The following MASP2 variants were observed in gnomAD, a reference collection of about 807,000 sequenced individuals.
The protein encoded by MASP2 is MBL associated serine protease 2, also known as mannan-binding lectin serine protease 2.
A neutral mutation model predicts 57.1 loss-of-function variants in MASP2; 49 were observed. The ratio of observed to expected loss-of-function variants is 0.86; its 90% CI spans 0.68 to 1.09. The LOEUF (loss-of-function observed/expected upper bound fraction) is 1.09, where lower values mean the gene tolerates loss of function less well. Ranked by LOEUF, MASP2 falls within the 50% of genes least tolerant of loss-of-function variation. MASP2 has a pLI of 0.00. For synonymous variants in MASP2, 379 were observed against 340.8 expected, an observed-to-expected ratio of 1.11 and a Z score of -1.24; for missense variants, 900 against 874.8, an observed-to-expected ratio of 1.03 and a Z score of -0.36.
chr1:11,030,915 T>C (rs1643833535), intron 8 of MASP2, 33 bp from the exon 9 acceptor site: 1 of 1,602,988 alleles, frequency 6.2e-7, no homozygotes, highest in Non-Finnish European at 8.5e-7. Context: ...AGGAATCCAT[T>C]GATCATTTCA....
chr1:11,026,849 C>G lies in MASP2; in HGVS notation c.*36G>C. The G allele has an allele frequency of 6.9e-7, 1 of 1,453,042 alleles. No individual in the cohort carries two copies. Among genetic ancestry groups the G allele is most frequent in the Non-Finnish European group, 9.1e-7 (1 of 1,102,950 alleles). The allele number at this position is 1,453,042 out of a possible 1,614,324, so 90.0% of individuals were successfully genotyped here. A position where few individuals can be genotyped will look rare whatever the true frequency, so the allele number is the denominator to read the frequency against. ...GCTGCCAAGGTCTTCACAGGCATTT[C>G]TAAAAATGAAGAATCCTTGACTGCA... is the stretch of plus-strand genomic sequence containing the variant. On this transcript the variant is annotated 3_prime_UTR_variant, in exon 11 of 11. Coordinates refer to ENST00000400897, the MANE Select transcript of MASP2 (RefSeq NM_006610.4).
Position 11,045,550 on chromosome 1 carries a change from G to T in MASP2, c.413-11C>A, listed in dbSNP as rs765047019. On this transcript the variant is annotated splice_polypyrimidine_tract_variant and intron_variant, in intron 3 of 10. Transcript: ENST00000400897. ...GGCACTCGTCAATGTCTGGGGGAGA[G>T]GCAGGGCCAGGCAGGCCGTCAGGAG... The T allele has an allele frequency of 1.9e-6, 3 of 1,597,634 alleles. No homozygotes were observed. The East Asian group carries it at 6.7e-5, about 36-fold the overall frequency.
At chr1:11,041,147 G>A (rs1638418434) in intron 6 of MASP2, among the ~76,000 whole-genome samples, 1 of 114,286 alleles carries the variant, frequency 8.7e-6, no homozygotes, top group African/African-American at 3.1e-5. Context: ...GGATGTGTTG[G>A]TAGAAGGAAG....
At chr1:11,041,817 G>A (rs1638459943) in intron 6 of MASP2, among the ~76,000 whole-genome samples, 2 of 48,176 alleles carry the variant, frequency 4.2e-5, no homozygotes, top group Admixed American at 2.2e-4. Flanking sequence ...TAGGTAGAAG[G>A]ATGGGTGGAT....
At position 11,039,595 on chromosome 1, in the gene MASP2, G is replaced by A. The variant is rs558400290; in HGVS notation, c.890-1784C>T. ...AGATGGATGGCTGGAAGGATGGATGGATGATGGATGGATGGATGGATGGAT... is the reference window on the plus strand; with the variant it reads ...AGATGGATGGCTGGAAGGATGGATGAATGATGGATGGATGGATGGATGGAT... On this transcript the variant is annotated intron_variant, in intron 6 of 10. Transcript: ENST00000400897. Among the ~76,000 whole-genome samples the A allele has an allele frequency of 3.9e-5, 4 of 101,874 alleles. No homozygotes were observed. In the East Asian group the frequency reaches 9.0e-4, roughly 23 times the overall value. The allele number at this position is 101,874 out of a possible 152,430, so 66.8% of individuals were successfully genotyped here. A position where few individuals can be genotyped will look rare whatever the true frequency, so the allele number is the denominator to read the frequency against.
At chr1:11,033,566 A>G (rs1405037588) in intron 8 of MASP2, among the ~76,000 whole-genome samples, 2 of 151,110 alleles carry the variant, frequency 1.3e-5, no homozygotes, top group East Asian at 1.9e-4. Context: ...AATTGCTTGA[A>G]CTCAGCAGGC....
intron 7 of MASP2, among the ~76,000 whole-genome samples, chr1:11,037,318 G>A (rs1037276730): frequency 2.6e-5 from 4 of 151,954 alleles, no homozygotes; most frequent in African/African-American, 9.7e-5. Context: ...TGAACTCCTG[G>A]CCTCAAGTGA....
At chr1:11,045,087 G>C in intron 4 of MASP2, 1 of 878,580 alleles carries the variant, frequency 1.1e-6, no homozygotes, top group African/African-American at 1.7e-5. Flanking sequence ...CAGGGAACCA[G>C]GGAACCAGGT....
In MASP2 at chr1:11,027,345, G is replaced by A. The variant is rs753012104; in HGVS notation, c.1601C>T (p.Ala534Val). The change falls in exon 11 of 11, where the codon GCA becomes GTA. Residue 534 changes from alanine to valine, a missense_variant. Coordinates refer to ENST00000400897, the MANE Select transcript of MASP2 (RefSeq NM_006610.4). ...THDAGFDNDIALIKLNNKVVI... is the reference protein window; with the variant it reads ...THDAGFDNDIVLIKLNNKVVI... ...AACTTTGTTATTCAATTTAATCAGT[G>A]CTATGTCATTGTCAAAGCCAGCATC... is the stretch of plus-strand genomic sequence containing the variant. 1 of 1,614,112 alleles carries A rather than the reference G, an allele frequency of 6.2e-7. No individual in the cohort carries two copies. Among genetic ancestry groups the A allele is most frequent in the South Asian group, 1.1e-5 (1 of 91,088 alleles).
intron 8 of MASP2, among the ~76,000 whole-genome samples, chr1:11,031,675 A>G (rs971193461): frequency 6.6e-6 from 1 of 152,018 alleles, no homozygotes; most frequent in Non-Finnish European, 1.5e-5. Context: ...TCAAACCTGT[A>G]ATCAGCATTT....
At position 11,030,990 on chromosome 1, in the gene MASP2, C is replaced by T. The variant is rs190459598; in HGVS notation, c.1088-108G>A. On this transcript the variant is annotated intron_variant, in intron 8 of 10. Coordinates refer to ENST00000400897, the MANE Select transcript of MASP2 (RefSeq NM_006610.4). ...GGCTGAGGCGGGCAAATCCCTTGAG[C>T]TCAGGAGTTTGAGACCAGCCTGGGC... The T allele has an allele frequency of 4.5e-5, 54 of 1,206,626 alleles. No individual in the cohort carries two copies. The Admixed American group carries it at 1.3e-3, about 30-fold the overall frequency. The allele number at this position is 1,206,626 out of a possible 1,614,324, so 74.7% of individuals were successfully genotyped here. A position where few individuals can be genotyped will look rare whatever the true frequency, so the allele number is the denominator to read the frequency against.
chr1:11,041,886 A>G (rs1355305018), intron 6 of MASP2, among the ~76,000 whole-genome samples: 1 of 131,140 alleles, frequency 7.6e-6, no homozygotes. Flanking sequence ...GGATGGGTGG[A>G]TGGGTGGTTG....
rs557526221 is a variant in MASP2, at chr1:11,030,619, C to T, written c.1222+129G>A. The T allele has an allele frequency of 1.6e-5, 16 of 1,004,404 alleles. No individual in the cohort carries two copies. The East Asian group carries it at 3.5e-4, about 22-fold the overall frequency. The allele number at this position is 1,004,404 out of a possible 1,614,324, so 62.2% of individuals were successfully genotyped here. ...ACTTTAGCTATAATATTTCACTTAGCGGATGGGAGAAGTGGCTTTTAATCT... is the reference window on the plus strand; with the variant it reads ...ACTTTAGCTATAATATTTCACTTAGTGGATGGGAGAAGTGGCTTTTAATCT... On this transcript the variant is annotated intron_variant, in intron 9 of 10. Transcript: ENST00000400897.
Position 11,043,377 on chromosome 1 carries a change from T to A in MASP2, c.703A>T (p.Thr235Ser). 1 of 1,609,414 alleles carries A rather than the reference T, an allele frequency of 6.2e-7. No individual in the cohort carries two copies. Among genetic ancestry groups the A allele is most frequent in the Non-Finnish European group, 8.5e-7 (1 of 1,178,376 alleles). ...TAGGGACACAGGGTTTCAGGGTGTG[T>A]CTCCACATCGAAGGACTCCACAAAG... ...LDFVESFDVETHPETLCPYDF... is the reference protein window; with the variant it reads ...LDFVESFDVESHPETLCPYDF... Residue 235 changes from threonine to serine, a missense_variant, in exon 5 of 11, where the codon ACA (threonine) becomes TCA (serine). Transcript: ENST00000400897.
rs532150657 is a variant in MASP2 at position 11,026,856 on chromosome 1, T to C, written c.*29A>G. On this transcript the variant is annotated 3_prime_UTR_variant, in exon 11 of 11. Transcript: ENST00000400897. ...AGGTCTTCACAGGCATTTCTAAAAA[T>C]GAAGAATCCTTGACTGCAGACACGC... is the stretch of plus-strand genomic sequence containing the variant. The C allele has an allele frequency of 1.4e-5, 20 of 1,454,556 alleles. No homozygotes were observed. The East Asian group carries it at 3.8e-4, about 27-fold the overall frequency. 90.1% of individuals were successfully genotyped at this position (1,454,556 alleles called of 1,614,324 possible).
At position 11,034,793 on chromosome 1, in the gene MASP2, C is replaced by T. The variant is rs766567203; in HGVS notation, c.1087+35G>A. 2.3e-5 allele frequency: 33 copies of T among 1,456,102 alleles called. 1 individual carries two copies. The highest frequency in any genetic ancestry group is 8.9e-5 in the South Asian group (7 of 78,910). The allele number at this position is 1,456,102 out of a possible 1,614,324, so 90.2% of individuals were successfully genotyped here. On this transcript the variant is annotated intron_variant, in intron 8 of 10. Coordinates refer to ENST00000400897, the MANE Select transcript of MASP2 (RefSeq NM_006610.4). ...CAGTAGCAGCAGAGGGAGTTCCGGG[C>T]GGTTATGGGGCCTGTAGTCACCACA...
intron 7 of MASP2, among the ~76,000 whole-genome samples, chr1:11,036,545 A>AAAAAAAG (rs1557670977): frequency 6.7e-6 from 1 of 148,590 alleles, no homozygotes; most frequent in African/African-American, 2.5e-5. Context: ...AAACAAAAAA[A>AAAAAAAG]AAAGAAACTA....
intron 7 of MASP2, among the ~76,000 whole-genome samples, chr1:11,037,043 C>T (rs892803688): frequency 5.9e-5 from 9 of 152,030 alleles, no homozygotes; most frequent in East Asian, 5.8e-4. Flanking sequence ...AAAAGTTGCC[C>T]GTTTTATTTT....
chr1:11,029,307 G>GT (rs1466077965), intron 10 of MASP2, among the ~76,000 whole-genome samples: 1 of 147,106 alleles, frequency 6.8e-6, no homozygotes, highest in Non-Finnish European at 1.5e-5. Context: ...GCCCTGATTT[G>GT]TTTTTTTAAA....
Sources: gnomAD v4.1 joint callset for allele counts (sites outside exome capture counted in the v4.1 genomes callset) on GRCh38, gnomAD v4.1.1 for gene constraint, MANE v1.5 for transcripts, NCBI Gene and HGNC (gene_info 2026-07-23, HGNC 2026-07-21) for gene names.